Variants in CSMD2 observed in about 807,000 individuals in gnomAD.
CSMD2 encodes the protein CUB and sushi domain-containing protein 2.
Under a neutral mutation model 398.5 loss-of-function variants are expected in CSMD2, and 130 were observed. That is an observed-to-expected ratio of 0.33 (90% CI 0.28 to 0.38). The LOEUF is 0.38. Among genes scored for constraint, CSMD2 ranks in the 10% least tolerant of loss-of-function variants. CSMD2 has a pLI of 1.00. For missense variants in CSMD2, 3,829 were observed against 4,764.9 expected (o/e 0.80, Z 5.78); for synonymous variants, 1,828 against 1,908.5 (o/e 0.96, Z 1.10).
At chr1:33,952,479 A>G (rs1196351829) in intron 3 of CSMD2, among the ~76,000 whole-genome samples, 1 of 151,908 alleles carries the variant, frequency 6.6e-6, no homozygotes, top group East Asian at 1.9e-4. Context: ...CTCAAATGTC[A>G]CCTCCTCAGA....
chr1:34,148,893 T>A (rs1375174651), intron 1 of CSMD2, among the ~76,000 whole-genome samples: 1 of 152,144 alleles, frequency 6.6e-6, no homozygotes, highest in Non-Finnish European at 1.5e-5. Context: ...AGGTGGCGGA[T>A]GGGGTCCAAG....
At chr1:34,016,806 A>G (rs1484592050) in intron 3 of CSMD2, among the ~76,000 whole-genome samples, 4 of 97,138 alleles carry the variant, frequency 4.1e-5, no homozygotes, top group Non-Finnish European at 6.5e-5. Flanking sequence ...ATAGATAGAC[A>G]GATAGAATGA....
chr1:33,656,378 C>T (rs1281714186), intron 27 of CSMD2, among the ~76,000 whole-genome samples: 1 of 152,210 alleles, frequency 6.6e-6, no homozygotes. Flanking sequence ...CTGTTCCCTA[C>T]ACAGCAGAAT....
chr1:33,605,308 C>T lies in CSMD2; in HGVS notation c.6506G>A (p.Trp2169Ter). 1 of 1,614,120 alleles carries T rather than the reference C, an allele frequency of 6.2e-7. No homozygotes were observed. Among genetic ancestry groups the T allele is most frequent in the Non-Finnish European group, 8.5e-7 (1 of 1,180,008 alleles). ...TTCACACTTGGGCAGGGGGTGGTCC[C>T]AGTTCCGGTTGGTGCCATGTTGACA... ...LTCQHGTNRN[W>*]DHPLPKCEVP... Residue 2169 changes from tryptophan (W) to a stop codon, truncating the protein, a stop_gained, in exon 42 of 71, where the codon TGG becomes TAG. Transcript: ENST00000373381. LOFTEE classifies it high-confidence loss of function.
chr1:33,546,439 G>A (rs528673921), intron 56 of CSMD2, among the ~76,000 whole-genome samples: 1 of 152,186 alleles, frequency 6.6e-6, no homozygotes, highest in Non-Finnish European at 1.5e-5. Context: ...CACACAGGGA[G>A]GGGAAGCAAG....
chr1:34,019,025 A>T (rs1434017942), intron 3 of CSMD2, among the ~76,000 whole-genome samples: 1 of 152,114 alleles, frequency 6.6e-6, no homozygotes, highest in Non-Finnish European at 1.5e-5. Context: ...CCCACACTTT[A>T]CCTCTTACTA....
rs146332740 is a variant in CSMD2 at position 34,086,020 on chromosome 1, G to GAAA, written c.404+2954_404+2956dup. 1.0e-4 allele frequency among the ~76,000 whole-genome samples: 13 copies of GAAA among 130,196 alleles called. 1 individual carries two copies. Among genetic ancestry groups the GAAA allele is most frequent in the Admixed American group, 3.1e-4 (4 of 13,068 alleles). The allele number at this position is 130,196 out of a possible 152,430, so 85.4% of individuals were successfully genotyped here. A position where few individuals can be genotyped will look rare whatever the true frequency, so the allele number is the denominator to read the frequency against. ...TGCAAATGAAATCTTAAGTTTCCTG[G>GAAA]AAAAAAAAAAAAAAAGAAAGAAAGA... On this transcript the variant is annotated intron_variant, in intron 2 of 70. Coordinates refer to ENST00000373381, the MANE Select transcript of CSMD2 (RefSeq NM_001281956.2).
chr1:33,734,618 C>A (rs1646825864), intron 15 of CSMD2, among the ~76,000 whole-genome samples: 1 of 152,008 alleles, frequency 6.6e-6, no homozygotes, highest in South Asian at 2.1e-4. Context: ...AACCCCGTCT[C>A]TACTAAGAAT....
At chr1:33,646,588 T>C in intron 29 of CSMD2, 60 bp downstream of exon 29, 1 of 1,570,336 alleles carries the variant, frequency 6.4e-7, no homozygotes, top group Non-Finnish European at 8.7e-7. Flanking sequence ...GCTACACTAC[T>C]TGCCCTCTGC....
At chr1:34,122,978 G>A (rs1246544477) in intron 1 of CSMD2, among the ~76,000 whole-genome samples, 1 of 152,194 alleles carries the variant, frequency 6.6e-6, no homozygotes, top group Non-Finnish European at 1.5e-5. Flanking sequence ...CAAGAGTCCT[G>A]GCAGGTAGGT....
At chr1:33,747,975 T>C (rs1432661017) in intron 13 of CSMD2, among the ~76,000 whole-genome samples, 1 of 152,214 alleles carries the variant, frequency 6.6e-6, no homozygotes, top group Admixed American at 6.5e-5. Flanking sequence ...GGATATTATA[T>C]TACACCTGAC....
At chr1:33,872,487 T>C (rs1314792978) in intron 5 of CSMD2, among the ~76,000 whole-genome samples, 1 of 152,058 alleles carries the variant, frequency 6.6e-6, no homozygotes, top group Non-Finnish European at 1.5e-5. Flanking sequence ...GAGATTAGGG[T>C]AGGCCTCATA....
At chr1:33,954,232 C>A (rs1204471240) in intron 3 of CSMD2, among the ~76,000 whole-genome samples, 1 of 152,094 alleles carries the variant, frequency 6.6e-6, no homozygotes, top group African/African-American at 2.4e-5. Flanking sequence ...CAGAAATGAA[C>A]TAACTTGCCC....
chr1:33,961,717 G>A (rs1030690810), intron 3 of CSMD2, among the ~76,000 whole-genome samples: 2 of 152,084 alleles, frequency 1.3e-5, no homozygotes, highest in Admixed American at 6.5e-5. Flanking sequence ...GCAGTTGATC[G>A]TTTAAAGGAG....
At chr1:34,026,698 C>T (rs1389633138) in intron 3 of CSMD2, among the ~76,000 whole-genome samples, 3 of 152,180 alleles carry the variant, frequency 2.0e-5, no homozygotes, top group African/African-American at 4.8e-5. Flanking sequence ...CTGGAATAAT[C>T]GGAAACAATC....
chr1:34,102,528 C>T (rs913648368), intron 1 of CSMD2, among the ~76,000 whole-genome samples: 1 of 148,036 alleles, frequency 6.8e-6, no homozygotes, highest in African/African-American at 2.5e-5. Context: ...CACCTCTTCT[C>T]CTATCTCTTG....
intron 3 of CSMD2, among the ~76,000 whole-genome samples, chr1:34,022,118 T>G (rs1176567370): frequency 6.6e-6 from 1 of 152,208 alleles, no homozygotes; most frequent in Non-Finnish European, 1.5e-5. Context: ...CGATCATTTA[T>G]CCATTCACTT....
At chr1:34,073,436 TG>T (rs1254101761) in intron 2 of CSMD2, among the ~76,000 whole-genome samples, 1 of 152,190 alleles carries the variant, frequency 6.6e-6, no homozygotes, top group Middle Eastern at 3.2e-3. Flanking sequence ...ATAAGCCTCA[TG>T]GGCAGTTTAA....
At chr1:34,043,806 C>T (rs1299256134) in intron 2 of CSMD2, among the ~76,000 whole-genome samples, 1 of 152,134 alleles carries the variant, frequency 6.6e-6, no homozygotes, top group African/African-American at 2.4e-5. Flanking sequence ...TGCTTTCCAC[C>T]TGGGAGCCTA....
Sources: allele counts gnomAD v4.1 joint callset (sites outside exome capture counted in the v4.1 genomes callset), GRCh38; gene constraint gnomAD v4.1.1; transcripts MANE v1.5; gene names NCBI Gene and HGNC (gene_info 2026-07-23, HGNC 2026-07-21).